Variants in LRPAP1 observed in about 807,000 individuals in gnomAD.
LRPAP1 encodes the protein alpha-2-macroglobulin receptor-associated protein.
A neutral mutation model predicts 39.9 loss-of-function variants in LRPAP1; 41 were observed. The ratio of observed to expected loss-of-function variants is 1.03; its 90% CI spans 0.80 to 1.33. The LOEUF (loss-of-function observed/expected upper bound fraction) is 1.33, where lower values mean the gene tolerates loss of function less well. Ranked by LOEUF, LRPAP1 falls within the 40% of genes most tolerant of loss-of-function variation. LRPAP1 has a pLI of 0.00. For missense variants in LRPAP1, 565 were observed against 482.3 expected (o/e 1.17, Z -1.61); for synonymous variants, 263 against 212.7 (o/e 1.24, Z -2.06).
intron 1 of LRPAP1, among the ~76,000 whole-genome samples, chr4:3,526,563 C>A (rs145677700): frequency 6.6e-6 from 1 of 152,248 alleles, no homozygotes; most frequent in Non-Finnish European, 1.5e-5. Context: ...TCCCGCAGCC[C>A]GCGCCGCCTT....
intron 5 of LRPAP1, among the ~76,000 whole-genome samples, chr4:3,516,729 C>A (rs565825115): frequency 1.3e-5 from 2 of 152,198 alleles, no homozygotes; most frequent in African/African-American, 4.8e-5. Context: ...CTGGTGCTCA[C>A]GAAGGGACGC....
chr4:3,517,211 A>G (rs1182137868), intron 5 of LRPAP1, among the ~76,000 whole-genome samples: 1 of 152,240 alleles, frequency 6.6e-6, no homozygotes. Flanking sequence ...TGACAGCAGC[A>G]CAGCCACCCA....
chr4:3,532,227 C>T lies in LRPAP1; in HGVS notation c.186G>A (p.Leu62=), dbSNP rs1730278536. 1 of 1,550,678 alleles carries T rather than the reference C, an allele frequency of 6.4e-7. No individual in the cohort carries two copies. Among genetic ancestry groups the T allele is most frequent in the African/African-American group, 1.4e-5 (1 of 73,182 alleles). The part of the protein sequence containing the change: ...EEFRMEKLNQ[L]WEKAQRLHLP... ...CGCTCACTCGCTGGGCCTTCTCCCA[C>T]AGCTGGTTCAACTTCTCCATGCGGA... Residue 62 remains leucine (L), a synonymous_variant, in exon 1 of 8, where the codon CTG becomes CTA. Coordinates refer to ENST00000650182, the MANE Select transcript of LRPAP1 (RefSeq NM_002337.4).
chr4:3,524,506 G>A (rs549955036), intron 2 of LRPAP1, among the ~76,000 whole-genome samples: 29 of 152,352 alleles, frequency 1.9e-4, no homozygotes, highest in Non-Finnish European at 3.8e-4. Context: ...GCGTGCCAAT[G>A]GCATCTGTGA....
At chr4:3,519,219 C>T (rs979127092) in intron 3 of LRPAP1, among the ~76,000 whole-genome samples, 4 of 152,144 alleles carry the variant, frequency 2.6e-5, no homozygotes, top group South Asian at 2.1e-4. Flanking sequence ...GGACAGCTAC[C>T]GAGCTGGCTG....
At chr4:3,514,225 G>C (rs993103260) in intron 7 of LRPAP1, among the ~76,000 whole-genome samples, 1 of 152,222 alleles carries the variant, frequency 6.6e-6, no homozygotes, top group Non-Finnish European at 1.5e-5. Flanking sequence ...GGTAACACAT[G>C]CCTGCAGTTC....
At position 3,508,575 on chromosome 4, in the gene LRPAP1, A is replaced by C. The variant is rs1729421072; in HGVS notation, c.*4399T>G. ...CCTTAGCCCGGTATGAGCAAATCTC[A>C]TCTGGCCATGCAGAGAAAAGGCCAA... On this transcript the variant is annotated 3_prime_UTR_variant, in exon 8 of 8. Coordinates refer to ENST00000650182, the MANE Select transcript of LRPAP1 (RefSeq NM_002337.4). The C allele has an allele frequency of 1.3e-5, 2 of 152,066 alleles. No homozygotes were observed. Among genetic ancestry groups the C allele is most frequent in the African/African-American group, 2.4e-5 (1 of 41,398 alleles). The allele number at this position is 152,066 out of a possible 1,614,324, so 9.4% of individuals were successfully genotyped here. A position where few individuals can be genotyped will look rare whatever the true frequency, so the allele number is the denominator to read the frequency against.
chr4:3,520,436 C>T (rs1729876837), intron 2 of LRPAP1, among the ~76,000 whole-genome samples: 1 of 152,226 alleles, frequency 6.6e-6, no homozygotes, highest in African/African-American at 2.4e-5. Flanking sequence ...CCCCCAGGAC[C>T]TCCCTCTTTC....
Position 3,512,857 on chromosome 4 carries a change from G to T in LRPAP1, c.*117C>A. 1 of 806,256 alleles carries T rather than the reference G, an allele frequency of 1.2e-6. No individual in the cohort carries two copies. The highest frequency in any genetic ancestry group is 1.7e-5 in the South Asian group (1 of 58,022). 49.9% of individuals were successfully genotyped at this position (806,256 alleles called of 1,614,324 possible). A position where few individuals can be genotyped will look rare whatever the true frequency, so the allele number is the denominator to read the frequency against. On this transcript the variant is annotated 3_prime_UTR_variant, in exon 8 of 8. Transcript: ENST00000650182. ...CACCAGAAACAATCCTTCCTGCCTC[G>T]ACACCCGTGCCAGCCCCAGCCACCC...
rs993584186 is a variant in LRPAP1 at position 3,525,913 on chromosome 4, C to A, written c.205-862G>T. 5.3e-5 allele frequency among the ~76,000 whole-genome samples: 8 copies of A among 152,276 alleles called. No homozygotes were observed. The East Asian group carries it at 1.5e-3, about 29-fold the overall frequency. On this transcript the variant is annotated intron_variant, in intron 1 of 7. Transcript: ENST00000650182. ...CAAGCAGCAGAATGAAACCCACCGG[C>A]CAGCTCTCATCAACTCTGGCCTCGG...
At chr4:3,514,702 C>T (rs1729635286) in intron 7 of LRPAP1, 50 bp downstream of exon 7, 1 of 1,548,636 alleles carries the variant, frequency 6.5e-7, no homozygotes, top group Non-Finnish European at 8.7e-7. Context: ...GCGGCCTCAT[C>T]TTTCCTGCAG....
At chr4:3,515,727 C>T (rs149167337) in intron 6 of LRPAP1, among the ~76,000 whole-genome samples, 1 of 152,168 alleles carries the variant, frequency 6.6e-6, no homozygotes, top group Non-Finnish European at 1.5e-5. Context: ...CTGAGGTGGT[C>T]TCCTTCCCTC....
At chr4:3,532,086 G>A in intron 1 of LRPAP1, 123 bp downstream of exon 1, 1 of 1,096,590 alleles carries the variant, frequency 9.1e-7, no homozygotes, top group South Asian at 1.6e-5. Context: ...AGGACAGGGC[G>A]CGTAGGGCAC....
At chr4:3,513,297 A>G (rs571430354) in intron 7 of LRPAP1, among the ~76,000 whole-genome samples, 1 of 152,274 alleles carries the variant, frequency 6.6e-6, no homozygotes, top group African/African-American at 2.4e-5. Context: ...GGTCTCTGTG[A>G]TAGGCCCATG....
At chr4:3,522,821 C>A (rs1437852175) in intron 2 of LRPAP1, among the ~76,000 whole-genome samples, 1 of 152,132 alleles carries the variant, frequency 6.6e-6, no homozygotes, top group African/African-American at 2.4e-5. Context: ...CAGAGCAGGG[C>A]AGGGCAGAGT....
intron 5 of LRPAP1, among the ~76,000 whole-genome samples, chr4:3,516,609 G>A (rs1729714367): frequency 6.6e-6 from 1 of 152,244 alleles, no homozygotes; most frequent in Non-Finnish European, 1.5e-5. Context: ...GCAGGCACAG[G>A]CCGTTTCCCT....
chr4:3,522,138 C>T (rs1729928326), intron 2 of LRPAP1, among the ~76,000 whole-genome samples: 3 of 152,246 alleles, frequency 2.0e-5, no homozygotes. Flanking sequence ...CTGCCCAGAC[C>T]CCCAAGTCCA....
intron 2 of LRPAP1, among the ~76,000 whole-genome samples, chr4:3,524,365 T>A (rs1352230539): frequency 6.6e-6 from 1 of 152,240 alleles, no homozygotes; most frequent in Non-Finnish European, 1.5e-5. Context: ...TCCATTCTGA[T>A]GACATCTGGA....
intron 2 of LRPAP1, among the ~76,000 whole-genome samples, chr4:3,520,639 A>G (rs2108691751): frequency 6.6e-6 from 1 of 152,394 alleles, no homozygotes; most frequent in East Asian, 1.9e-4. Flanking sequence ...TCTAAGGACC[A>G]CAGGACAGAG....
Sources: gnomAD v4.1 joint callset for allele counts (sites outside exome capture counted in the v4.1 genomes callset) on GRCh38, gnomAD v4.1.1 for gene constraint, MANE v1.5 for transcripts, NCBI Gene and HGNC (gene_info 2026-07-23, HGNC 2026-07-21) for gene names.